RUNDC3B: variants seen among roughly 807,000 people sequenced by gnomAD.
RUNDC3B encodes RUN domain-containing protein 3B.
In RUNDC3B, 33 loss-of-function variants were observed where a neutral mutation model predicts 58.4. The observed-to-expected ratio is 0.56, with a 90% confidence interval of 0.43 to 0.75. The LOEUF is 0.75. RUNDC3B is among the 30% of genes least tolerant of loss of function. The pLI is 0.00. For synonymous variants in RUNDC3B, 193 were observed against 195.2 expected (o/e 0.99, Z 0.10); for missense variants, 501 against 535.7 (o/e 0.94, Z 0.64).
intron 9 of RUNDC3B, among the ~76,000 whole-genome samples, chr7:87,809,634 A>G (rs1836606042): frequency 6.6e-6 from 1 of 152,172 alleles, no homozygotes. Flanking sequence ...TGTATCTTCA[A>G]TGTTTGGAGA....
intron 2 of RUNDC3B, among the ~76,000 whole-genome samples, chr7:87,682,292 A>G (rs1170926494): frequency 6.6e-6 from 1 of 152,188 alleles, no homozygotes; most frequent in Non-Finnish European, 1.5e-5. Flanking sequence ...CTTTTTCCAA[A>G]TTCCTGTTAA....
intron 8 of RUNDC3B, among the ~76,000 whole-genome samples, chr7:87,793,488 G>A (rs1835639754): frequency 1.3e-5 from 2 of 151,962 alleles, no homozygotes; most frequent in Non-Finnish European, 2.9e-5. Flanking sequence ...TGACCAAGTG[G>A]GATTTATCTC....
At chr7:87,674,529 T>A (rs1055319213) in intron 2 of RUNDC3B, among the ~76,000 whole-genome samples, 4 of 151,704 alleles carry the variant, frequency 2.6e-5, no homozygotes, top group Admixed American at 2.6e-4. Context: ...GAGAGGAGGG[T>A]GACATGTGCC....
chr7:87,636,530 G>A (rs1204537862), intron 1 of RUNDC3B, among the ~76,000 whole-genome samples: 1 of 152,094 alleles, frequency 6.6e-6, no homozygotes, highest in African/African-American at 2.4e-5. Context: ...TTTTCACTCT[G>A]TAGTATGTTT....
intron 5 of RUNDC3B, among the ~76,000 whole-genome samples, chr7:87,740,562 GAA>G (rs1475771800): frequency 6.6e-6 from 1 of 152,042 alleles, no homozygotes; most frequent in Non-Finnish European, 1.5e-5. Flanking sequence ...TATTTTTATT[GAA>G]ATATAACATT....
intron 8 of RUNDC3B, among the ~76,000 whole-genome samples, chr7:87,797,163 A>G (rs1350653638): frequency 6.6e-6 from 1 of 152,224 alleles, no homozygotes; most frequent in African/African-American, 2.4e-5. Flanking sequence ...AATATAAAAT[A>G]TGAATAACTT....
chr7:87,794,662 A>G (rs1053422012), intron 8 of RUNDC3B, among the ~76,000 whole-genome samples: 3 of 152,068 alleles, frequency 2.0e-5, no homozygotes, highest in African/African-American at 7.2e-5. Flanking sequence ...ATGGAACCAC[A>G]AAAAACCCAG....
intron 1 of RUNDC3B, among the ~76,000 whole-genome samples, chr7:87,636,672 T>G (rs1426391893): frequency 6.6e-6 from 1 of 152,252 alleles, no homozygotes; most frequent in Non-Finnish European, 1.5e-5. Flanking sequence ...AAAGCTTTAT[T>G]GTTTTATTTT....
intron 3 of RUNDC3B, among the ~76,000 whole-genome samples, chr7:87,701,798 C>T (rs542838545): frequency 2.6e-5 from 4 of 152,156 alleles, no homozygotes; most frequent in African/African-American, 9.6e-5. Context: ...AATGCAGAAG[C>T]AGATATCTAA....
rs201766719 is a variant in RUNDC3B, at chr7:87,816,181, A to G, written c.1144A>G (p.Ser382Gly). The G allele has an allele frequency of 1.1e-4, 172 of 1,608,970 alleles. No homozygotes were observed. The Middle Eastern group carries it at 1.5e-3, about 14-fold the overall frequency. Residue 382 changes from serine to glycine, a missense_variant, in exon 10 of 11, where the codon AGC becomes GGC. By Grantham distance (56) the Ser-to-Gly change is moderately conservative. Coordinates refer to ENST00000394654, the MANE Select transcript of RUNDC3B (RefSeq NM_001134405.2). ...TCTTGACCAGTTATCAGCAGAAGTT[A>G]GCCTTTCTCAGACTTCACTAGATCC... Reference protein sequence around the residue: ...QSLDQLSAEVSLSQTSLDPGQ... With the variant: ...QSLDQLSAEVGLSQTSLDPGQ...
At chr7:87,674,148 C>G (rs1826092648) in intron 2 of RUNDC3B, among the ~76,000 whole-genome samples, 1 of 152,198 alleles carries the variant, frequency 6.6e-6, no homozygotes, top group South Asian at 2.1e-4. Flanking sequence ...GGCCAAACCA[C>G]TTCATCGAGG....
intron 1 of RUNDC3B, among the ~76,000 whole-genome samples, chr7:87,642,879 A>G (rs1822593039): frequency 6.6e-6 from 1 of 152,176 alleles, no homozygotes; most frequent in Non-Finnish European, 1.5e-5. Flanking sequence ...AGATTGAGAA[A>G]ATATTTTAAA....
intron 6 of RUNDC3B, among the ~76,000 whole-genome samples, chr7:87,764,026 T>C (rs1331293987): frequency 6.6e-6 from 1 of 151,864 alleles, no homozygotes; most frequent in Non-Finnish European, 1.5e-5. Context: ...CTTGATTTCT[T>C]TAGTTCATGT....
chr7:87,745,869 C>T (rs1162466760), intron 6 of RUNDC3B, among the ~76,000 whole-genome samples: 1 of 152,022 alleles, frequency 6.6e-6, no homozygotes, highest in Non-Finnish European at 1.5e-5. Context: ...TCTTGTTTCT[C>T]TAGTGCCTTG....
intron 2 of RUNDC3B, among the ~76,000 whole-genome samples, chr7:87,697,034 A>G (rs536242265): frequency 6.6e-6 from 1 of 152,300 alleles, no homozygotes; most frequent in South Asian, 2.1e-4. Flanking sequence ...AACATCCTAC[A>G]AGTTATTTTC....
chr7:87,638,574 T>C (rs764643528), intron 1 of RUNDC3B, among the ~76,000 whole-genome samples: 13 of 152,014 alleles, frequency 8.6e-5, no homozygotes, highest in Non-Finnish European at 1.3e-4. Context: ...TTTCAGTAGG[T>C]TTTTCAAGGA....
chr7:87,752,086 CG>C (rs1356930873), intron 6 of RUNDC3B, among the ~76,000 whole-genome samples: 1 of 151,942 alleles, frequency 6.6e-6, no homozygotes, highest in Non-Finnish European at 1.5e-5. Flanking sequence ...TAGCATGAAG[CG>C]TTGTTGAATT....
chr7:87,818,184 A>G (rs1837183029), intron 10 of RUNDC3B, among the ~76,000 whole-genome samples: 1 of 152,168 alleles, frequency 6.6e-6, no homozygotes, highest in South Asian at 2.1e-4. Flanking sequence ...ATTTTATTCT[A>G]ATTTTTAATT....
chr7:87,629,893 A>G (rs1821027679), intron 1 of RUNDC3B, among the ~76,000 whole-genome samples: 1 of 151,462 alleles, frequency 6.6e-6, no homozygotes, highest in South Asian at 2.1e-4. Context: ...ATTGCACTCC[A>G]GCCGGGACCA....
Sources: allele counts gnomAD v4.1 joint callset (sites outside exome capture counted in the v4.1 genomes callset), GRCh38; gene constraint gnomAD v4.1.1; transcripts MANE v1.5; gene names NCBI Gene and HGNC (gene_info 2026-07-23, HGNC 2026-07-21).